Variants in TOP2A observed in about 807,000 individuals in gnomAD.
TOP2A encodes the protein DNA topoisomerase 2-alpha.
TOP2A carries 68 observed loss-of-function variants against 187.2 expected under a neutral mutation model. The ratio of observed to expected loss-of-function variants is 0.36; its 90% CI spans 0.30 to 0.44. The LOEUF (loss-of-function observed/expected upper bound fraction) is 0.44. Ranked by LOEUF, TOP2A falls within the 20% of genes least tolerant of loss-of-function variation. TOP2A has a pLI of 1.00. For synonymous variants in TOP2A, 542 were observed against 593.2 expected (o/e 0.91, Z 1.25); for missense variants, 1,196 against 1,808.7 (o/e 0.66, Z 6.14).
rs759415853 is a variant in TOP2A at position 40,392,072 on chromosome 17, C to A, written c.4128G>T (p.Val1376=). The A allele has an allele frequency of 1.2e-6, 2 of 1,611,982 alleles. No individual in the cohort carries two copies. Among genetic ancestry groups the A allele is most frequent in the East Asian group, 4.5e-5 (2 of 44,838 alleles). The change falls in exon 32 of 35, where the codon GTG becomes GTT. Residue 1376 remains valine (V), a synonymous_variant. Coordinates refer to ENST00000423485, the MANE Select transcript of TOP2A (RefSeq NM_001067.4). ...TACTTTTACTTAAATACATACCTGA[C>A]ACGACACTTTTCTGTGGTTTCAGTT... ...NKELKPQKSV[V]SDLEADDVKG...
In TOP2A at chr17:40,390,140, C is replaced by G. The variant is rs780010148; in HGVS notation, c.4292G>C (p.Gly1431Ala). Residue 1431 changes from glycine to alanine, a missense_variant, in exon 34 of 35, where the codon GGT becomes GCT. This residue lies in a region of TOP2A where 374 missense variants were observed against 403.3 expected (regional missense o/e 0.93). Coordinates refer to ENST00000423485, the MANE Select transcript of TOP2A (RefSeq NM_001067.4). ...AKSQSSTSTTGAKKRAAPKGT... is the reference protein window; with the variant it reads ...AKSQSSTSTTAAKKRAAPKGT... ...TTTTGGGGCAGCCCTTTTTTTGGCA[C>G]CGGTAGTGGAGGTGGAAGACTGACC... is the stretch of plus-strand genomic sequence containing the variant. 1 of 1,612,722 alleles carries G rather than the reference C, an allele frequency of 6.2e-7. No homozygotes were observed. The highest frequency in any genetic ancestry group is 8.5e-7 in the Non-Finnish European group (1 of 1,179,524).
chr17:40,412,488 C>G (rs2035334178), intron 7 of TOP2A, among the ~76,000 whole-genome samples: 1 of 152,000 alleles, frequency 6.6e-6, no homozygotes, highest in Non-Finnish European at 1.5e-5. Context: ...ACTAAAAATA[C>G]AAAAAATTAG....
At chr17:40,397,431 G>A (rs900368774) in intron 27 of TOP2A, among the ~76,000 whole-genome samples, 7 of 151,472 alleles carry the variant, frequency 4.6e-5, no homozygotes, top group Admixed American at 1.3e-4. Flanking sequence ...GATTACAGGC[G>A]GATGCCACCA....
chr17:40,394,810 A>T (rs2035069032), intron 29 of TOP2A, among the ~76,000 whole-genome samples: 1 of 152,224 alleles, frequency 6.6e-6, no homozygotes, highest in South Asian at 2.1e-4. Context: ...AGATACTACA[A>T]ACATTACTAA....
chr17:40,392,283 T>C lies in TOP2A; in HGVS notation c.4023A>G (p.Glu1341=). The change falls in exon 31 of 35, where the codon GAA becomes GAG. Residue 1341 remains glutamate (E), a synonymous_variant. Coordinates refer to ENST00000423485, the MANE Select transcript of TOP2A (RefSeq NM_001067.4). The part of the protein sequence containing the change: ...DSDEDFSDFD[E]KTDDEDFVPS... ...GGACAAAATCTTCATCATCAGTTTT[T>C]TCATCAAAATCTGAGAAATCTTCAT... is the stretch of plus-strand genomic sequence containing the variant. 1.2e-6 allele frequency: 2 copies of C among 1,610,124 alleles called. No homozygotes were observed. The highest frequency in any genetic ancestry group is 1.7e-6 in the Non-Finnish European group (2 of 1,177,900).
chr17:40,395,281 C>CCAAA (rs2035078925), intron 29 of TOP2A, among the ~76,000 whole-genome samples, 168 bp downstream of exon 29: 1 of 54,856 alleles, frequency 1.8e-5, no homozygotes, highest in African/African-American at 7.3e-5. Flanking sequence ...GAAACTGTCT[C>CCAAA]AAAAAAAAAA....
Position 40,408,559 on chromosome 17 carries a change from C to A in TOP2A, c.1275G>T (p.Lys425Asn). Residue 425 changes from lysine (K) to asparagine (N), a missense_variant, in exon 11 of 35, where the codon AAG (lysine) becomes AAT (asparagine). By Grantham distance (94) the Lys-to-Asn change is moderately conservative (BLOSUM62 0). Transcript: ENST00000423485. Reference sequence around the variant, plus strand: ...TATTATGTTTTACAGCTGAACACTTCTTGTTTAACTGGACTTGGGCCTTAA... The same window carrying A: ...TATTATGTTTTACAGCTGAACACTTATTGTTTAACTGGACTTGGGCCTTAA... ...VKFKAQVQLNKKCSAVKHNRI... is the reference protein window; with the variant it reads ...VKFKAQVQLNNKCSAVKHNRI... 6 of 1,613,694 alleles carry A rather than the reference C, an allele frequency of 3.7e-6. No homozygotes were observed. The highest frequency in any genetic ancestry group is 5.1e-6 in the Non-Finnish European group (6 of 1,179,674).
chr17:40,416,918 G>A (rs1283029953), intron 1 of TOP2A, 23 bp from the exon 2 acceptor site: 1 of 1,559,488 alleles, frequency 6.4e-7, no homozygotes, highest in Admixed American at 2.0e-5. Context: ...AAAAAAGAGA[G>A]AAAGAAGGGA....
In TOP2A at chr17:40,416,789, A is replaced by G; in HGVS notation, c.128T>C (p.Ile43Thr). 1 of 1,613,526 alleles carries G rather than the reference A, an allele frequency of 6.2e-7. No individual in the cohort carries two copies. Among genetic ancestry groups the G allele is most frequent in the Non-Finnish European group, 8.5e-7 (1 of 1,179,782 alleles). Residue 43 changes from isoleucine (I) to threonine (T), a missense_variant, in exon 2 of 35, where the codon ATT becomes ACT. Around this residue, in one of 10 missense-constraint regions of TOP2A, gnomAD observed 97 missense variants for 171.0 expected, o/e 0.57. Coordinates refer to ENST00000423485, the MANE Select transcript of TOP2A (RefSeq NM_001067.4). ...AATGTAGGTGTCTGGGCGGAGCAAA[A>G]TATGTTCCAATTGTGTTTTCTTTTG... Reference protein sequence around the residue: ...IYQKKTQLEHILLRPDTYIGS... With the variant: ...IYQKKTQLEHTLLRPDTYIGS...
rs1414633159 is a variant in TOP2A, at chr17:40,407,837, C to T, written c.1500+130G>A. The T allele has an allele frequency of 5.0e-6, 6 of 1,211,456 alleles. No individual in the cohort carries two copies. The African/African-American group carries it at 9.3e-5, about 19-fold the overall frequency. 75.0% of individuals were successfully genotyped at this position (1,211,456 alleles called of 1,614,324 possible). On this transcript the variant is annotated intron_variant, in intron 12 of 34. Transcript: ENST00000423485. ...GTCTGTTAAAATAGGCTACAATGTA[C>T]CTAATTTCTCAAAATAAGCACAAAT...
rs773306190 is a variant in TOP2A at position 40,406,872 on chromosome 17, C to T, written c.1697G>A (p.Arg566Gln). The part of the protein sequence containing the change: ...FIHHNWPSLL[R>Q]HRFLEEFITP... The stretch of plus-strand genomic sequence containing the variant: ...GATAAATTCCTCCAGAAAACGATGT[C>T]GCAGAAGAGAGGGCCAGTTGTGATG... Residue 566 changes from arginine to glutamine, a missense_variant, in exon 14 of 35, where the codon CGA becomes CAA. Physicochemically the swap from Arg to Gln is conservative, Grantham distance 43 (BLOSUM62 1). This residue lies in a region of TOP2A where 209 missense variants were observed against 376.9 expected (regional missense o/e 0.55). Transcript: ENST00000423485. 3.1e-5 allele frequency: 50 copies of T among 1,607,754 alleles called. No homozygotes were observed. The highest frequency in any genetic ancestry group is 3.7e-5 in the Non-Finnish European group (44 of 1,176,678).
At chr17:40,412,137 A>T (rs1336675250) in intron 7 of TOP2A, among the ~76,000 whole-genome samples, 1 of 152,192 alleles carries the variant, frequency 6.6e-6, no homozygotes, top group Non-Finnish European at 1.5e-5. Flanking sequence ...TCCAGGCTGT[A>T]GTGAGCCGTG....
intron 13 of TOP2A, among the ~76,000 whole-genome samples, chr17:40,407,156 C>G (rs1348752307): frequency 1.3e-5 from 2 of 152,062 alleles, no homozygotes; most frequent in Non-Finnish European, 2.9e-5. Flanking sequence ...CCCAGCTACT[C>G]GGGAGGCTGA....
chr17:40,394,063 C>CT (rs1201958531), intron 29 of TOP2A, among the ~76,000 whole-genome samples: 4 of 63,178 alleles, frequency 6.3e-5, no homozygotes, highest in African/African-American at 3.1e-4. Context: ...GAAACTCTGC[C>CT]TCAAAAAAAA....
rs777710107 is a variant in TOP2A at position 40,391,491 on chromosome 17, A to G, written c.4267+15T>C. 1.9e-6 allele frequency: 3 copies of G among 1,601,358 alleles called. No individual in the cohort carries two copies. In the South Asian group the frequency reaches 3.4e-5, roughly 18 times the overall value. ...GTAATTGCAACATTAACCCATCTCA[A>G]AGATTTAGGCTTACTTTTTGCTGCT... On this transcript the variant is annotated intron_variant, in intron 33 of 34. Coordinates refer to ENST00000423485, the MANE Select transcript of TOP2A (RefSeq NM_001067.4).
At chr17:40,405,082 T>C (rs1424564857) in intron 16 of TOP2A, among the ~76,000 whole-genome samples, 199 bp from the exon 17 acceptor site, 2 of 151,514 alleles carry the variant, frequency 1.3e-5, no homozygotes, top group Non-Finnish European at 2.9e-5. Flanking sequence ...CTCTGCGTCC[T>C]AGGTTCAAGC....
chr17:40,389,485 G>A lies in TOP2A; in HGVS notation c.*34C>T. 1 of 1,562,312 alleles carries A rather than the reference G, an allele frequency of 6.4e-7. No individual in the cohort carries two copies. The highest frequency in any genetic ancestry group is 8.7e-7 in the Non-Finnish European group (1 of 1,152,138). ...AACTTTAAAACCAGTCTTGGGCTTG[G>A]TAAGATAATTACTTAAAATAATCGC... On this transcript the variant is annotated 3_prime_UTR_variant, in exon 35 of 35. Transcript: ENST00000423485.
intron 27 of TOP2A, among the ~76,000 whole-genome samples, chr17:40,397,482 C>T (rs2035115760): frequency 4.6e-5 from 7 of 151,892 alleles, no homozygotes; most frequent in Admixed American, 3.9e-4. Flanking sequence ...GACAGGGTTT[C>T]ACCATGTTGT....
chr17:40,409,458 C>T, intron 10 of TOP2A: 1 of 448,418 alleles, frequency 2.2e-6, no homozygotes, highest in South Asian at 1.6e-5. Context: ...GTTTAAGACA[C>T]AACATAGAAG....
Sources: allele counts gnomAD v4.1 joint callset (sites outside exome capture counted in the v4.1 genomes callset), GRCh38; gene constraint gnomAD v4.1.1; regional missense constraint gnomAD v4.1.1; transcripts MANE v1.5; gene names NCBI Gene and HGNC (gene_info 2026-07-23, HGNC 2026-07-21).